ADAMTS17: variants seen among roughly 807,000 people sequenced by gnomAD.
ADAMTS17 encodes A disintegrin and metalloproteinase with thrombospondin motifs 17.
ADAMTS17 carries 113 observed loss-of-function variants against 141.5 expected under a neutral mutation model. The ratio of observed to expected loss-of-function variants is 0.80; its 90% CI spans 0.69 to 0.93. The LOEUF (loss-of-function observed/expected upper bound fraction) is 0.93, where lower values mean the gene tolerates loss of function less well. Among genes scored for constraint, ADAMTS17 ranks in the 40% least tolerant of loss-of-function variants. The probability of loss-of-function intolerance (pLI) is 0.00; values close to 1 mark genes in which losing one functional copy is unlikely to be tolerated. For missense variants in ADAMTS17, 1,659 were observed against 1,517.9 expected (o/e 1.09, Z -1.54); for synonymous variants, 768 against 630.6 (o/e 1.22, Z -3.27).
chr15:100,270,430 G>C (rs1350672343), intron 4 of ADAMTS17, among the ~76,000 whole-genome samples: 2 of 152,180 alleles, frequency 1.3e-5, no homozygotes, highest in South Asian at 2.1e-4. Flanking sequence ...CTTTCAAACA[G>C]AGTTTAATAC....
At chr15:100,070,551 C>A (rs1214048174) in intron 15 of ADAMTS17, among the ~76,000 whole-genome samples, 1 of 149,784 alleles carries the variant, frequency 6.7e-6, no homozygotes, top group Non-Finnish European at 1.5e-5. Flanking sequence ...TCTCTCAGAC[C>A]ACGGTGCAAT....
chr15:99,974,430 T>C lies in ADAMTS17; in HGVS notation c.3260A>G (p.Lys1087Arg). The part of the protein sequence containing the change: ...CQTCRDFYAN[K>R]MRQPPPNS ...CGAGTTCGGCGGTGGCTGGCGCATC[T>C]TGTTTGCATAGAAGTCCCTGCAGGT... Residue 1087 changes from lysine to arginine, a missense_variant, in exon 22 of 22, where the codon AAG becomes AGG. Coordinates refer to ENST00000268070, the MANE Select transcript of ADAMTS17 (RefSeq NM_139057.4). The C allele has an allele frequency of 4.3e-6, 7 of 1,614,128 alleles. No individual in the cohort carries two copies. The highest frequency in any genetic ancestry group is 5.1e-6 in the Non-Finnish European group (6 of 1,180,022).
At chr15:100,162,389 A>T (rs1051950992) in intron 8 of ADAMTS17, among the ~76,000 whole-genome samples, 12 of 146,946 alleles carry the variant, frequency 8.2e-5, no homozygotes, top group Admixed American at 3.4e-4. Context: ...TATATATATA[A>T]CTATCTATAT....
At chr15:100,094,927 A>G (rs1284804712) in intron 15 of ADAMTS17, among the ~76,000 whole-genome samples, 2 of 152,118 alleles carry the variant, frequency 1.3e-5, no homozygotes, top group African/African-American at 4.8e-5. Context: ...GTCCAATAGA[A>G]CCTTCTGGAA....
At chr15:100,288,819 AC>A (rs1434162904) in intron 3 of ADAMTS17, among the ~76,000 whole-genome samples, 1 of 152,222 alleles carries the variant, frequency 6.6e-6, no homozygotes, top group Non-Finnish European at 1.5e-5. Flanking sequence ...GAAAAAAGAT[AC>A]AACATACCAA....
chr15:100,138,198 T>C (rs1320728436), intron 10 of ADAMTS17, among the ~76,000 whole-genome samples: 1 of 152,186 alleles, frequency 6.6e-6, no homozygotes, highest in African/African-American at 2.4e-5. Flanking sequence ...GGGGTTCTGG[T>C]TGAAACAAAT....
intron 8 of ADAMTS17, among the ~76,000 whole-genome samples, chr15:100,192,111 A>G (rs2040940778): frequency 6.6e-6 from 1 of 152,256 alleles, no homozygotes; most frequent in African/African-American, 2.4e-5. Flanking sequence ...GAATTTGGGT[A>G]AGACTGCCGT....
At chr15:100,106,850 T>C (rs2036442407) in intron 14 of ADAMTS17, among the ~76,000 whole-genome samples, 1 of 152,220 alleles carries the variant, frequency 6.6e-6, no homozygotes, top group Non-Finnish European at 1.5e-5. Flanking sequence ...GTAACAATGA[T>C]AAGGGCTTTG....
chr15:100,133,182 C>T (rs1470150833), intron 11 of ADAMTS17, 32 bp downstream of exon 11: 2 of 1,549,056 alleles, frequency 1.3e-6, no homozygotes, highest in South Asian at 2.4e-5. Context: ...TGTGGAGCTG[C>T]CTGTTGGGGG....
At chr15:100,095,323 G>A (rs921185113) in intron 15 of ADAMTS17, among the ~76,000 whole-genome samples, 14 of 152,166 alleles carry the variant, frequency 9.2e-5, no homozygotes, top group Non-Finnish European at 1.6e-4. Flanking sequence ...ACAGGGTCCT[G>A]CAAAATGTTG....
At chr15:100,209,519 T>TC (rs1290504863) in intron 7 of ADAMTS17, among the ~76,000 whole-genome samples, 1 of 151,908 alleles carries the variant, frequency 6.6e-6, no homozygotes, top group Non-Finnish European at 1.5e-5. Context: ...TGACAAGCCC[T>TC]CCCTTCTGAT....
At chr15:99,994,149 C>T (rs1046211452) in intron 19 of ADAMTS17, among the ~76,000 whole-genome samples, 5 of 152,146 alleles carry the variant, frequency 3.3e-5, no homozygotes, top group Non-Finnish European at 4.4e-5. Context: ...GAAGACAAAA[C>T]TCACAAACAA....
chr15:100,334,741 T>A (rs115960820), intron 2 of ADAMTS17, among the ~76,000 whole-genome samples: 1 of 152,146 alleles, frequency 6.6e-6, no homozygotes, highest in Non-Finnish European at 1.5e-5. Flanking sequence ...GAATGTGAAA[T>A]GCCTGAGCAC....
rs957748139 is a variant in ADAMTS17, at chr15:100,163,770, T to G, written c.1182-8450A>C. 2.8e-4 allele frequency among the ~76,000 whole-genome samples: 42 copies of G among 152,156 alleles called. 1 individual carries two copies. Among genetic ancestry groups the G allele is most frequent in the Non-Finnish European group, 1.3e-4 (9 of 68,022 alleles). On this transcript the variant is annotated intron_variant, in intron 8 of 21. Transcript: ENST00000268070. Reference sequence around the variant, plus strand: ...TTGAATATGGTAGCTCCTAGGAAGTTTTCAAAGATCATTTGGACCATTCTA... The same window carrying G: ...TTGAATATGGTAGCTCCTAGGAAGTGTTCAAAGATCATTTGGACCATTCTA...
chr15:100,203,977 C>A (rs1293053373), intron 7 of ADAMTS17, among the ~76,000 whole-genome samples: 1 of 152,096 alleles, frequency 6.6e-6, no homozygotes, highest in South Asian at 2.1e-4. Context: ...GAAGAGGCTC[C>A]CATCCACTAG....
In ADAMTS17 at chr15:100,157,296, C is replaced by T. The variant is rs536879317; in HGVS notation, c.1182-1976G>A. Among the ~76,000 whole-genome samples the T allele has an allele frequency of 7.2e-5, 11 of 152,240 alleles. No individual in the cohort carries two copies. In the East Asian group the frequency reaches 1.7e-3, roughly 24 times the overall value. On this transcript the variant is annotated intron_variant, in intron 8 of 21. Coordinates refer to ENST00000268070, the MANE Select transcript of ADAMTS17 (RefSeq NM_139057.4). ...CATGGAAGTCCAATTGGCAGACACC[C>T]GTCCTCAAAGAAGAGGCTTTCCCTC...
intron 4 of ADAMTS17, among the ~76,000 whole-genome samples, chr15:100,267,805 T>C (rs547417694): frequency 1.7e-4 from 26 of 152,256 alleles, no homozygotes; most frequent in Non-Finnish European, 2.4e-4. Context: ...GATACAGGCA[T>C]ACAATGCATA....
At chr15:100,131,905 T>A in intron 12 of ADAMTS17, 102 bp downstream of exon 12, 8 of 1,566,472 alleles carry the variant, frequency 5.1e-6, no homozygotes, top group South Asian at 1.1e-5. Flanking sequence ...TATCTTCTAA[T>A]GCTCAGCGGG....
intron 7 of ADAMTS17, among the ~76,000 whole-genome samples, chr15:100,210,195 C>T (rs1003348901): frequency 7.7e-6 from 1 of 129,526 alleles, no homozygotes; most frequent in East Asian, 2.4e-4. Context: ...CGTGCCACTG[C>T]ACTCCAGCCT....
Sources: allele counts gnomAD v4.1 joint callset (sites outside exome capture counted in the v4.1 genomes callset), GRCh38; gene constraint gnomAD v4.1.1; transcripts MANE v1.5; gene names NCBI Gene and HGNC (gene_info 2026-07-23, HGNC 2026-07-21).